Variants in RAB3C observed in about 807,000 individuals in gnomAD.
RAB3C encodes RAB3C, member RAS oncogene family.
In RAB3C, 17 loss-of-function variants were observed where a neutral mutation model predicts 26.4. The ratio of observed to expected loss-of-function variants is 0.64; its 90% confidence interval spans 0.44 to 0.97. RAB3C has a LOEUF of 0.97. Ranked by LOEUF, RAB3C falls within the 50% of genes least tolerant of loss-of-function variation. RAB3C has a pLI of 0.00. For missense variants in RAB3C, 242 were observed against 281.9 expected (o/e 0.86, Z 1.01); for synonymous variants, 91 against 95.9 (o/e 0.95, Z 0.30).
rs369462183 is a variant in RAB3C, at chr5:58,706,854, A to G, written c.253-19148A>G. Among the ~76,000 whole-genome samples the G allele has an allele frequency of 2.1e-4, 32 of 152,326 alleles. No homozygotes were observed. The East Asian group carries it at 2.5e-3, about 12-fold the overall frequency. On this transcript the variant is annotated intron_variant, in intron 2 of 4. Transcript: ENST00000282878. ...TTGAGTCAAAATCTATACATATCCA[A>G]TCATTTTTACCGTTGAGACAAAGGG...
At chr5:58,586,668 G>T (rs539034184) in intron 1 of RAB3C, among the ~76,000 whole-genome samples, 8 of 152,088 alleles carry the variant, frequency 5.3e-5, no homozygotes, top group African/African-American at 1.9e-4. Context: ...CTTCATAAAT[G>T]CAGTCTTCTG....
intron 2 of RAB3C, among the ~76,000 whole-genome samples, chr5:58,675,398 T>C (rs1748202766): frequency 6.6e-6 from 1 of 152,192 alleles, no homozygotes; most frequent in Non-Finnish European, 1.5e-5. Flanking sequence ...TTTGCAAAGA[T>C]CCATTTTAAA....
chr5:58,804,894 T>C (rs1056839277), intron 3 of RAB3C, among the ~76,000 whole-genome samples: 2 of 151,738 alleles, frequency 1.3e-5, no homozygotes, highest in Non-Finnish European at 2.9e-5. Context: ...TGTGGTCACT[T>C]TCCTTATTTT....
chr5:58,674,856 C>T (rs1211411571), intron 2 of RAB3C, among the ~76,000 whole-genome samples: 1 of 149,622 alleles, frequency 6.7e-6, no homozygotes, highest in African/African-American at 2.5e-5. Flanking sequence ...ATGAAACATA[C>T]ATAAAAAAAA....
chr5:58,699,672 G>A (rs74561203), intron 2 of RAB3C, among the ~76,000 whole-genome samples: 2,925 of 152,230 alleles, frequency 0.019, 106 homozygotes, highest in East Asian at 0.14. Flanking sequence ...CTCAGCTATG[G>A]CAGACACCCC....
At chr5:58,749,653 T>G (rs1175532427) in intron 3 of RAB3C, among the ~76,000 whole-genome samples, 1 of 152,184 alleles carries the variant, frequency 6.6e-6, no homozygotes, top group Admixed American at 6.5e-5. Flanking sequence ...ACAAAGAAGA[T>G]AGAATATTAC....
chr5:58,638,660 A>G (rs771988363), intron 2 of RAB3C, among the ~76,000 whole-genome samples: 14 of 152,252 alleles, frequency 9.2e-5, no homozygotes, highest in Non-Finnish European at 1.8e-4. Flanking sequence ...ATGTCAGAAC[A>G]GAGAAACAAA....
chr5:58,842,850 G>A (rs990115715), intron 4 of RAB3C, among the ~76,000 whole-genome samples: 5 of 152,186 alleles, frequency 3.3e-5, no homozygotes, highest in Non-Finnish European at 7.4e-5. Flanking sequence ...TATAGACCTC[G>A]AGAAGAATTT....
chr5:58,813,593 TA>T (rs60621001), intron 3 of RAB3C, among the ~76,000 whole-genome samples: 60,599 of 91,558 alleles, frequency 0.66, 16,000 homozygotes, highest in Middle Eastern at 0.76. Context: ...TATTTATATT[TA>T]TATATATATA....
At chr5:58,666,576 A>G (rs148103537) in intron 2 of RAB3C, among the ~76,000 whole-genome samples, 231 of 152,316 alleles carry the variant, frequency 1.5e-3, no homozygotes, top group South Asian at 3.3e-3. Context: ...TGAATCTCTA[A>G]CAAGCTCCCA....
chr5:58,642,220 G>C (rs1747426906), intron 2 of RAB3C, among the ~76,000 whole-genome samples: 2 of 152,204 alleles, frequency 1.3e-5, no homozygotes. Context: ...CTAGAACCAA[G>C]TGAGACTTAA....
chr5:58,692,314 T>C (rs292996), intron 2 of RAB3C, among the ~76,000 whole-genome samples: 152,130 of 152,208 alleles, frequency 1, 76,026 homozygotes, highest in Middle Eastern at 1. Flanking sequence ...ATACTATTAG[T>C]CAGAAATGCA....
chr5:58,681,078 G>A (rs1350028561), intron 2 of RAB3C, among the ~76,000 whole-genome samples: 1 of 152,100 alleles, frequency 6.6e-6, no homozygotes, highest in African/African-American at 2.4e-5. Context: ...TTATGTTCAT[G>A]AAGAAAATAT....
At chr5:58,612,520 GTATATATATA>G (rs200928384) in intron 1 of RAB3C, among the ~76,000 whole-genome samples, 10,279 of 78,426 alleles carry the variant, frequency 0.13, 589 homozygotes, top group Admixed American at 0.29. Context: ...GTGTGTGTGT[GTATATATATA>G]TATATATATA....
At position 58,857,943 on chromosome 5, in the gene RAB3C, T is replaced by C. The variant is rs1321054088; in HGVS notation, c.*6592T>C. The stretch of plus-strand genomic sequence containing the variant: ...TAGAATAACCGTCTTAAACTCCTAC[T>C]TGCCATTTCTAAGGCAAAGCATTCA... On this transcript the variant is annotated 3_prime_UTR_variant, in exon 5 of 5. Coordinates refer to ENST00000282878, the MANE Select transcript of RAB3C (RefSeq NM_138453.4). 11 of 152,216 alleles carry C rather than the reference T, an allele frequency of 7.2e-5. No homozygotes were observed. Among genetic ancestry groups the C allele is most frequent in the Admixed American group, 6.5e-4 (10 of 15,272 alleles). The allele number at this position is 152,216 out of a possible 1,614,324, so 9.4% of individuals were successfully genotyped here.
chr5:58,699,195 A>G (rs1269111151), intron 2 of RAB3C, among the ~76,000 whole-genome samples: 1 of 152,172 alleles, frequency 6.6e-6, no homozygotes, highest in Non-Finnish European at 1.5e-5. Flanking sequence ...CCTCAGCTGC[A>G]GGTCTGTTGG....
intron 3 of RAB3C, chr5:58,794,460 C>T (rs980552858): frequency 5.3e-5 from 8 of 151,744 alleles, no homozygotes; most frequent in South Asian, 2.1e-4. Flanking sequence ...AGTTTCCCCC[C>T]GAAGCAGGCA....
chr5:58,818,923 C>T (rs1267170728), intron 3 of RAB3C, among the ~76,000 whole-genome samples: 2 of 152,188 alleles, frequency 1.3e-5, no homozygotes, highest in South Asian at 4.1e-4. Context: ...CTGATAGACA[C>T]ATAAGGGGAA....
chr5:58,635,698 A>T (rs1747276494), intron 2 of RAB3C, among the ~76,000 whole-genome samples: 1 of 152,242 alleles, frequency 6.6e-6, no homozygotes, highest in East Asian at 1.9e-4. Context: ...CTTTACCTCT[A>T]GAGTAGTTGT....
Sources: allele counts gnomAD v4.1 joint callset (sites outside exome capture counted in the v4.1 genomes callset), GRCh38; gene constraint gnomAD v4.1.1; transcripts MANE v1.5; gene names NCBI Gene and HGNC (gene_info 2026-07-23, HGNC 2026-07-21).